The following NIPBL variants were observed in gnomAD, a reference collection of about 807,000 sequenced individuals.
The protein encoded by NIPBL is nipped-B-like protein.
A neutral mutation model predicts 321.8 loss-of-function variants in NIPBL; 19 were observed. That is an observed-to-expected ratio of 0.06 (90% CI 0.04 to 0.09). NIPBL has a LOEUF of 0.09. Ranked by LOEUF, NIPBL falls within the 10% of genes least tolerant of loss-of-function variation. The pLI, the probability that NIPBL is intolerant of heterozygous loss-of-function variation, is 1.00. For missense variants in NIPBL, 2,210 were observed against 3,327.0 expected (o/e 0.66, Z 8.26); for synonymous variants, 1,106 against 1,114.1 (o/e 0.99, Z 0.14).
At chr5:36,881,633 T>G (rs1210107811) in intron 1 of NIPBL, among the ~76,000 whole-genome samples, 4 of 152,012 alleles carry the variant, frequency 2.6e-5, no homozygotes, top group Non-Finnish European at 5.9e-5. Flanking sequence ...TTTGTTCTTA[T>G]GGATTCAGGA....
chr5:36,960,251 A>G (rs1053499882), intron 4 of NIPBL, among the ~76,000 whole-genome samples: 1 of 152,150 alleles, frequency 6.6e-6, no homozygotes, highest in African/African-American at 2.4e-5. Context: ...CGTTTTATTT[A>G]GAAAGCCATT....
chr5:36,924,493 CT>C (rs1189883480), intron 1 of NIPBL, among the ~76,000 whole-genome samples: 2 of 152,088 alleles, frequency 1.3e-5, no homozygotes, highest in Admixed American at 1.3e-4. Flanking sequence ...ACTGTAACCT[CT>C]TTGAAAAGGC....
chr5:37,039,676 A>G (rs544506994), intron 34 of NIPBL, among the ~76,000 whole-genome samples: 2 of 152,254 alleles, frequency 1.3e-5, no homozygotes, highest in South Asian at 2.1e-4. Context: ...TAATGTTCCT[A>G]AGGAGCTAAT....
intron 32 of NIPBL, among the ~76,000 whole-genome samples, chr5:37,035,269 A>G (rs1041918213): frequency 5.3e-5 from 8 of 152,264 alleles, no homozygotes; most frequent in African/African-American, 1.7e-4. Context: ...ACCCTGTCTC[A>G]GAAAAGACCA....
At chr5:36,926,294 A>G (rs1342706497) in intron 1 of NIPBL, among the ~76,000 whole-genome samples, 1 of 152,108 alleles carries the variant, frequency 6.6e-6, no homozygotes, top group African/African-American at 2.4e-5. Flanking sequence ...ATGTCTCACG[A>G]TTTTGTGGGT....
At position 37,003,218 on chromosome 5, in the gene NIPBL, A is replaced by T. The variant is rs779888924; in HGVS notation, c.3769-43A>T. The T allele has an allele frequency of 4.5e-6, 5 of 1,121,078 alleles. No individual in the cohort carries two copies. In the South Asian group the frequency reaches 6.2e-5, roughly 14 times the overall value. The allele number at this position is 1,121,078 out of a possible 1,614,324, so 69.4% of individuals were successfully genotyped here. On this transcript the variant is annotated intron_variant, in intron 15 of 46. Coordinates refer to ENST00000282516, the MANE Select transcript of NIPBL (RefSeq NM_133433.4). ...CAGATTGTTTCTTGAATAATATATA[A>T]CTTTTACCAACGATTGATAAAGAAT...
At chr5:36,918,375 G>C (rs997700663) in intron 1 of NIPBL, among the ~76,000 whole-genome samples, 1 of 152,154 alleles carries the variant, frequency 6.6e-6, no homozygotes, top group Non-Finnish European at 1.5e-5. Context: ...CATTGATTTT[G>C]TATCCTGAGA....
chr5:37,023,775 T>TTTTTTTA (rs1554026119), intron 29 of NIPBL, among the ~76,000 whole-genome samples: 18 of 138,922 alleles, frequency 1.3e-4, no homozygotes, highest in Admixed American at 3.1e-4. Flanking sequence ...TTTTTTTTTT[T>TTTTTTTA]ACATCCCATA....
At chr5:37,001,872 A>G (rs1746846503) in intron 14 of NIPBL, among the ~76,000 whole-genome samples, 1 of 152,208 alleles carries the variant, frequency 6.6e-6, no homozygotes, top group Non-Finnish European at 1.5e-5. Flanking sequence ...TTCAGCTGGT[A>G]AAGTAAGTAT....
chr5:37,007,231 T>C, intron 17 of NIPBL, 92 bp from the exon 18 acceptor site: 1 of 1,077,788 alleles, frequency 9.3e-7, no homozygotes, highest in Non-Finnish European at 1.4e-6. Flanking sequence ...TAGAAAATTG[T>C]GTTCTCTTAA....
At chr5:37,050,182 G>T (rs1753382690) in intron 40 of NIPBL, among the ~76,000 whole-genome samples, 1 of 151,558 alleles carries the variant, frequency 6.6e-6, no homozygotes, top group African/African-American at 2.4e-5. Context: ...TCACACAAAG[G>T]AGTCAGGTGC....
At chr5:36,924,608 A>G (rs988591596) in intron 1 of NIPBL, among the ~76,000 whole-genome samples, 2 of 152,196 alleles carry the variant, frequency 1.3e-5, no homozygotes, top group South Asian at 2.1e-4. Flanking sequence ...TACTCACTAA[A>G]TTTTTAATGA....
At chr5:36,998,963 A>G (rs963988658) in intron 11 of NIPBL, among the ~76,000 whole-genome samples, 3 of 152,170 alleles carry the variant, frequency 2.0e-5, no homozygotes, top group African/African-American at 7.2e-5. Flanking sequence ...TGTGCTTTAC[A>G]TGAACCTTTT....
intron 7 of NIPBL, 28 bp from the exon 8 acceptor site, chr5:36,971,917 A>G (rs1158631501): frequency 1.9e-6 from 3 of 1,595,858 alleles, no homozygotes; most frequent in South Asian, 1.1e-5. Context: ...CTGTCATTCA[A>G]AAGATAAATT....
chr5:36,926,591 T>G (rs1749380397), intron 1 of NIPBL, among the ~76,000 whole-genome samples: 1 of 152,200 alleles, frequency 6.6e-6, no homozygotes, highest in African/African-American at 2.4e-5. Flanking sequence ...CTGTAAGATT[T>G]CTTATCACCT....
intron 1 of NIPBL, among the ~76,000 whole-genome samples, chr5:36,895,577 T>C (rs986864292): frequency 1.3e-5 from 2 of 152,212 alleles, no homozygotes; most frequent in Non-Finnish European, 2.9e-5. Flanking sequence ...ACATTTGTAG[T>C]AGCAATGTAT....
chr5:36,909,130 G>C (rs920129204), intron 1 of NIPBL, among the ~76,000 whole-genome samples: 3 of 152,116 alleles, frequency 2.0e-5, no homozygotes, highest in African/African-American at 7.2e-5. Flanking sequence ...ACTGCCCTGT[G>C]ATTTTGTGTC....
chr5:37,012,836 A>G (rs1434630009), intron 21 of NIPBL, among the ~76,000 whole-genome samples: 1 of 152,168 alleles, frequency 6.6e-6, no homozygotes, highest in East Asian at 1.9e-4. Flanking sequence ...TTAGTACAGA[A>G]CAAAATAAAA....
chr5:36,886,640 T>G, intron 1 of NIPBL: 1 of 492,750 alleles, frequency 2.0e-6, no homozygotes, highest in Non-Finnish European at 3.7e-6. Context: ...GAGGTATAAT[T>G]TATACAGTAA....
Sources: allele counts gnomAD v4.1 joint callset (sites outside exome capture counted in the v4.1 genomes callset), GRCh38; gene constraint gnomAD v4.1.1; transcripts MANE v1.5; gene names NCBI Gene and HGNC (gene_info 2026-07-23, HGNC 2026-07-21).